MYO10: variants seen among roughly 807,000 people sequenced by gnomAD.
MYO10 encodes the protein unconventional myosin-X.
Under a neutral mutation model 257.3 loss-of-function variants are expected in MYO10, and 133 were observed. The observed-to-expected ratio is 0.52, with a 90% CI of 0.45 to 0.60. MYO10 has a LOEUF of 0.60. Among genes scored for constraint, MYO10 ranks in the 20% least tolerant of loss-of-function variants. The pLI, the probability that MYO10 is intolerant of heterozygous loss-of-function variation, is 0.00. For synonymous variants in MYO10, 1,104 were observed against 1,028.6 expected, an observed-to-expected ratio of 1.07 and a Z score of -1.40; for missense variants, 2,399 against 2,635.7, an observed-to-expected ratio of 0.91 and a Z score of 1.97.
chr5:16,782,367 A>G (rs919083644), intron 5 of MYO10, among the ~76,000 whole-genome samples: 2 of 152,190 alleles, frequency 1.3e-5, no homozygotes, highest in African/African-American at 4.8e-5. Flanking sequence ...CAGCTCTGCC[A>G]CTATAGCCTA....
chr5:16,834,142 C>T (rs1227213204), intron 2 of MYO10, among the ~76,000 whole-genome samples: 1 of 152,140 alleles, frequency 6.6e-6, no homozygotes, highest in Non-Finnish European at 1.5e-5. Flanking sequence ...TCAGCACACC[C>T]TCCCAGTCAC....
At chr5:16,766,445 T>C (rs1740870934) in intron 10 of MYO10, among the ~76,000 whole-genome samples, 1 of 151,204 alleles carries the variant, frequency 6.6e-6, no homozygotes, top group African/African-American at 2.5e-5. Flanking sequence ...TTGCAACTCC[T>C]TTTTTTTGAG....
rs35170602 is a variant in MYO10 at position 16,773,661 on chromosome 5, CA to C, written c.931-4459del. Among the ~76,000 whole-genome samples the C allele has an allele frequency of 5.2e-3, 585 of 113,066 alleles. 1 individual carries two copies. Among genetic ancestry groups the C allele is most frequent in the African/African-American group, 0.016 (450 of 28,072 alleles). 74.2% of individuals were successfully genotyped at this position (113,066 alleles called of 152,430 possible). A position where few individuals can be genotyped will look rare whatever the true frequency, so the allele number is the denominator to read the frequency against. The stretch of plus-strand genomic sequence containing the variant: ...TGGGCAACAGAGTGAGACCTTGTCT[CA>C]AAAAAAAAAAAAAAAAGTGAAATAA... On this transcript the variant is annotated intron_variant, in intron 9 of 40. Coordinates refer to ENST00000513610, the MANE Select transcript of MYO10 (RefSeq NM_012334.3).
At chr5:16,892,535 T>A (rs1251456676) in intron 1 of MYO10, among the ~76,000 whole-genome samples, 2 of 152,036 alleles carry the variant, frequency 1.3e-5, no homozygotes, top group Non-Finnish European at 2.9e-5. Context: ...CCAAGCTACT[T>A]GGAAGGTTGA....
At chr5:16,792,970 A>T (rs1741816295) in intron 4 of MYO10, among the ~76,000 whole-genome samples, 1 of 152,200 alleles carries the variant, frequency 6.6e-6, no homozygotes, top group Non-Finnish European at 1.5e-5. Context: ...TAATATAATT[A>T]TTCTGAGGAC....
chr5:16,749,721 G>A (rs914788770), intron 19 of MYO10, among the ~76,000 whole-genome samples: 3 of 152,180 alleles, frequency 2.0e-5, no homozygotes, highest in Non-Finnish European at 2.9e-5. Context: ...CAAACCTAAA[G>A]ACCAAACAGG....
At chr5:16,822,460 T>C (rs1035884974) in intron 2 of MYO10, among the ~76,000 whole-genome samples, 1 of 151,894 alleles carries the variant, frequency 6.6e-6, no homozygotes, top group African/African-American at 2.4e-5. Flanking sequence ...TCGCAGGTGG[T>C]GATGGAGTCT....
chr5:16,874,579 T>G (rs1340343107), intron 2 of MYO10, among the ~76,000 whole-genome samples: 1 of 152,162 alleles, frequency 6.6e-6, no homozygotes, highest in Non-Finnish European at 1.5e-5. Flanking sequence ...TGCTAAAATA[T>G]AACAAGAGTC....
chr5:16,918,471 C>T lies in MYO10; in HGVS notation c.21+17317G>A, dbSNP rs144885166. The stretch of plus-strand genomic sequence containing the variant: ...TCCACACGGATGCTCCCTGGAAACA[C>T]AAAATTTCACTGAAACTATTTTTCT... On this transcript the variant is annotated intron_variant, in intron 1 of 40. Coordinates refer to ENST00000513610, the MANE Select transcript of MYO10 (RefSeq NM_012334.3). Among the ~76,000 whole-genome samples, 85 of 146,952 alleles carry T rather than the reference C, an allele frequency of 5.8e-4. 1 individual carries two copies. The highest frequency in any genetic ancestry group is 1.9e-3 in the African/African-American group (78 of 40,032).
At chr5:16,714,570 C>G (rs935832134) in intron 19 of MYO10, among the ~76,000 whole-genome samples, 1 of 152,096 alleles carries the variant, frequency 6.6e-6, no homozygotes, top group Non-Finnish European at 1.5e-5. Flanking sequence ...ATACCACGCA[C>G]GTCATAAAAA....
intron 1 of MYO10, among the ~76,000 whole-genome samples, chr5:16,897,003 G>A (rs545337857): frequency 6.6e-6 from 1 of 152,236 alleles, no homozygotes; most frequent in African/African-American, 2.4e-5. Context: ...AAGGCAGAAG[G>A]AAGAAGGCAG....
In MYO10 at chr5:16,783,437, G is replaced by A. The variant is rs752223083; in HGVS notation, c.500C>T (p.Thr167Ile). Residue 167 changes from threonine to isoleucine, a missense_variant, in exon 5 of 41, where the codon ACT (threonine) becomes ATT (isoleucine). Around this residue, in one of 3 missense-constraint regions of MYO10, gnomAD observed 242 missense variants for 249.5 expected, o/e 0.97. Transcript: ENST00000513610. The stretch of plus-strand genomic sequence containing the variant: ...TGACAGAAACTTGAGGATCAATTTA[G>A]TGCTTTCGGTTTTACCTGCCCCACT... ...GESGAGKTES[T>I]KLILKFLSVI... is the part of the protein sequence containing the mutation. The A allele has an allele frequency of 3.5e-5, 57 of 1,611,226 alleles. No homozygotes were observed. The South Asian group carries it at 6.1e-4, about 17-fold the overall frequency.
At chr5:16,870,593 G>A (rs1230278761) in intron 2 of MYO10, among the ~76,000 whole-genome samples, 1 of 147,012 alleles carries the variant, frequency 6.8e-6, no homozygotes, top group Non-Finnish European at 1.5e-5. Flanking sequence ...GTCACCTTTG[G>A]GTAAAATAAA....
intron 38 of MYO10, among the ~76,000 whole-genome samples, 195 bp downstream of exon 38, chr5:16,671,227 T>C (rs1736444265): frequency 1.3e-5 from 2 of 152,208 alleles, no homozygotes; most frequent in Non-Finnish European, 1.5e-5. Flanking sequence ...GAACAGTCCC[T>C]GGAACGGAGG....
chr5:16,860,646 G>A (rs927212543), intron 2 of MYO10, among the ~76,000 whole-genome samples: 1 of 152,124 alleles, frequency 6.6e-6, no homozygotes, highest in African/African-American at 2.4e-5. Context: ...TTGAGAGGAT[G>A]GGAGAAGGAA....
chr5:16,704,419 C>T (rs958768082), intron 22 of MYO10, among the ~76,000 whole-genome samples, 160 bp downstream of exon 22: 2 of 152,160 alleles, frequency 1.3e-5, no homozygotes, highest in South Asian at 2.1e-4. Flanking sequence ...CTACCTGCTG[C>T]CCAGTCAGGC....
In MYO10 at chr5:16,663,328, G is replaced by GTTTGTTTTTTTT. The variant is rs1736042206; in HGVS notation, c.*3363_*3364insAAAAAAAACAAA. The GTTTGTTTTTTTT allele has an allele frequency of 9.1e-5, 7 of 76,888 alleles. No homozygotes were observed. Among genetic ancestry groups the GTTTGTTTTTTTT allele is most frequent in the African/African-American group, 3.9e-4 (6 of 15,498 alleles). 4.8% of individuals were successfully genotyped at this position (76,888 alleles called of 1,614,324 possible). ...AAAAAGTAACATTTTACTTCTAGTTGTTTTTTTTTTTTTTTTTTTTTTTTT... is the reference window on the plus strand; with the variant it reads ...AAAAAGTAACATTTTACTTCTAGTTGTTTGTTTTTTTTTTTTTTTTTTTTTTTTTTTTTTTTT... On this transcript the variant is annotated 3_prime_UTR_variant, in exon 41 of 41. Coordinates refer to ENST00000513610, the MANE Select transcript of MYO10 (RefSeq NM_012334.3).
chr5:16,928,923 G>A (rs1746216644), intron 1 of MYO10, among the ~76,000 whole-genome samples: 1 of 151,166 alleles, frequency 6.6e-6, no homozygotes, highest in African/African-American at 2.4e-5. Context: ...CCCAAAAAAA[G>A]CAAATCAAAT....
intron 9 of MYO10, among the ~76,000 whole-genome samples, chr5:16,770,785 C>T (rs73053044): frequency 2.5e-3 from 382 of 152,238 alleles, no homozygotes; most frequent in African/African-American, 8.9e-3. Flanking sequence ...TGTTTTCTTT[C>T]TGAGATGGAG....
Sources: allele counts gnomAD v4.1 joint callset (sites outside exome capture counted in the v4.1 genomes callset), GRCh38; gene constraint gnomAD v4.1.1; regional missense constraint gnomAD v4.1.1; transcripts MANE v1.5; gene names NCBI Gene and HGNC (gene_info 2026-07-23, HGNC 2026-07-21).